NUP93: variants seen among roughly 807,000 people sequenced by gnomAD.
The protein encoded by NUP93 is nucleoporin 93, also known as nuclear pore complex protein Nup93.
Under a neutral mutation model 107.8 loss-of-function variants are expected in NUP93, and 55 were observed. That is an observed-to-expected ratio of 0.51 (90% confidence interval 0.41 to 0.64). The LOEUF is 0.64. Among genes scored for constraint, NUP93 ranks in the 30% least tolerant of loss-of-function variants. The pLI, the probability that NUP93 is intolerant of heterozygous loss-of-function variation, is 0.00. For missense variants in NUP93, 937 were observed against 1,044.7 expected, an observed-to-expected ratio of 0.90 and a Z score of 1.42; for synonymous variants, 390 against 397.5, an observed-to-expected ratio of 0.98 and a Z score of 0.22.
chr16:56,806,569 T>C (rs1445483571), intron 5 of NUP93, among the ~76,000 whole-genome samples: 1 of 152,174 alleles, frequency 6.6e-6, no homozygotes, highest in Admixed American at 6.5e-5. Context: ...GAGCATCTAC[T>C]CACAAGGTCA....
At chr16:56,783,650 A>G (rs184244814) in intron 3 of NUP93, 965 of 985,412 alleles carry the variant, frequency 9.8e-4, no homozygotes, top group Non-Finnish European at 1.1e-3. Flanking sequence ...AATTTAATGT[A>G]TGGAAAATGT....
At chr16:56,792,221 A>T (rs1181110762) in intron 3 of NUP93, among the ~76,000 whole-genome samples, 2 of 152,202 alleles carry the variant, frequency 1.3e-5, no homozygotes, top group Non-Finnish European at 2.9e-5. Flanking sequence ...AAACTGGTTG[A>T]TTTCATGACC....
intron 7 of NUP93, among the ~76,000 whole-genome samples, chr16:56,822,564 C>CCT (rs1963569190): frequency 7.9e-6 from 1 of 126,958 alleles, no homozygotes; most frequent in Non-Finnish European, 1.6e-5. Flanking sequence ...CTTTTCTTTT[C>CCT]TTTTTTTTTT....
intron 9 of NUP93, among the ~76,000 whole-genome samples, chr16:56,829,836 A>T (rs1055920275): frequency 1.3e-5 from 2 of 152,338 alleles, no homozygotes; most frequent in East Asian, 1.9e-4. Context: ...GCAAGTTCAG[A>T]TCTGGGTTTT....
At chr16:56,820,246 G>T (rs1963515840) in intron 6 of NUP93, among the ~76,000 whole-genome samples, 1 of 152,238 alleles carries the variant, frequency 6.6e-6, no homozygotes, top group South Asian at 2.1e-4. Flanking sequence ...TGCAAAGGAA[G>T]GCCTGTAAGA....
intron 1 of NUP93, chr16:56,741,003 T>C (rs1211758135): frequency 2.5e-5 from 3 of 117,832 alleles, no homozygotes; most frequent in Non-Finnish European, 5.2e-5. Context: ...AGGGAGACCG[T>C]GGGGAGAGGG....
intron 3 of NUP93, among the ~76,000 whole-genome samples, chr16:56,791,531 A>G (rs1481427177): frequency 6.6e-6 from 1 of 152,266 alleles, no homozygotes; most frequent in Non-Finnish European, 1.5e-5. Flanking sequence ...GGCGAAAACA[A>G]ACATCCTTTT....
intron 3 of NUP93, among the ~76,000 whole-genome samples, chr16:56,792,743 TTTA>T (rs1183944629): frequency 6.6e-6 from 1 of 152,226 alleles, no homozygotes; most frequent in Admixed American, 6.5e-5. Flanking sequence ...GAGCCTCAAC[TTTA>T]TTGTTTGTAA....
rs576769251 is a variant in NUP93 at position 56,804,861 on chromosome 16, G to A, written c.361-643G>A. ...GCGGAGGTTGCAGTGAGCCGAGATC[G>A]TGCCACTGCGCTCCAGCCTGGGCGA... On this transcript the variant is annotated intron_variant, in intron 4 of 21. Transcript: ENST00000308159. 2.1e-3 allele frequency among the ~76,000 whole-genome samples: 310 copies of A among 150,784 alleles called. 10 individuals are homozygous for A. The highest frequency in any genetic ancestry group is 0.019 in the Admixed American group (292 of 15,138).
chr16:56,748,287 G>A lies in NUP93; in HGVS notation c.40G>A (p.Glu14Lys), dbSNP rs528073782. Residue 14 changes from glutamate to lysine, a missense_variant, in exon 2 of 22, where the codon GAA (glutamate) becomes AAA (lysine). By Grantham distance (56) the Glu-to-Lys change is moderately conservative (BLOSUM62 1). Transcript: ENST00000308159. ...EGFGELLQQA[E>K]QLAAETEGIS... is the part of the protein sequence containing the mutation. ...GTTTGGTGAGCTCCTTCAGCAAGCTGAACAGCTTGCTGCTGAGACTGAGGG... is the reference window on the plus strand; with the variant it reads ...GTTTGGTGAGCTCCTTCAGCAAGCTAAACAGCTTGCTGCTGAGACTGAGGG... 1.2e-6 allele frequency: 2 copies of A among 1,613,834 alleles called. No individual in the cohort carries two copies. The highest frequency in any genetic ancestry group is 4.5e-5 in the East Asian group (2 of 44,880).
intron 2 of NUP93, among the ~76,000 whole-genome samples, chr16:56,757,035 G>A (rs1162952092): frequency 6.6e-6 from 1 of 152,106 alleles, no homozygotes; most frequent in Non-Finnish European, 1.5e-5. Context: ...GGAAAGTCCC[G>A]GGGATGGCAT....
chr16:56,769,382 C>T (rs1962278558), intron 3 of NUP93, among the ~76,000 whole-genome samples: 1 of 152,110 alleles, frequency 6.6e-6, no homozygotes, highest in African/African-American at 2.4e-5. Context: ...GAGGCTGGAG[C>T]GTACTTTCTC....
chr16:56,746,997 ATT>A (rs1261707762), intron 1 of NUP93, among the ~76,000 whole-genome samples: 5 of 143,582 alleles, frequency 3.5e-5, no homozygotes, highest in Admixed American at 7.0e-5. Context: ...TAGCAATGTA[ATT>A]TTTTTTTTTT....
chr16:56,755,372 G>T (rs1422005548), intron 2 of NUP93, among the ~76,000 whole-genome samples: 3 of 151,148 alleles, frequency 2.0e-5, no homozygotes, highest in African/African-American at 7.3e-5. Flanking sequence ...TAGAAAGACT[G>T]TATATTGTGT....
chr16:56,793,587 A>G (rs1440151986), intron 3 of NUP93, among the ~76,000 whole-genome samples: 4 of 152,114 alleles, frequency 2.6e-5, no homozygotes, highest in African/African-American at 7.2e-5. Flanking sequence ...TCACAGGAGA[A>G]GGAGTTTGGA....
rs1963113438 is a variant in NUP93 at position 56,805,373 on chromosome 16, A to G, written c.361-131A>G. On this transcript the variant is annotated intron_variant, in intron 4 of 21. Coordinates refer to ENST00000308159, the MANE Select transcript of NUP93 (RefSeq NM_014669.5). The stretch of plus-strand genomic sequence containing the variant: ...AGTAAATTCTTCAAAGATAATTTTT[A>G]AAGTAGATTGCTTTTTCTCTACCTA... 7.5e-6 allele frequency: 7 copies of G among 933,988 alleles called. No homozygotes were observed. In the East Asian group the frequency reaches 1.8e-4, roughly 24 times the overall value. 57.9% of individuals were successfully genotyped at this position (933,988 alleles called of 1,614,324 possible). A position where few individuals can be genotyped will look rare whatever the true frequency, so the allele number is the denominator to read the frequency against.
chr16:56,796,036 A>G (rs1438141000), intron 3 of NUP93, among the ~76,000 whole-genome samples: 2 of 152,198 alleles, frequency 1.3e-5, no homozygotes, highest in South Asian at 2.1e-4. Flanking sequence ...GGGGTGTGAC[A>G]GCACCTGTTG....
At chr16:56,803,397 G>A (rs886135968) in intron 4 of NUP93, among the ~76,000 whole-genome samples, 14 of 152,032 alleles carry the variant, frequency 9.2e-5, no homozygotes, top group African/African-American at 2.2e-4. Flanking sequence ...CTCAGGAGGC[G>A]GAGTTTGCAG....
chr16:56,825,392 A>T (rs898991847), intron 8 of NUP93, among the ~76,000 whole-genome samples: 2 of 151,882 alleles, frequency 1.3e-5, no homozygotes, highest in African/African-American at 4.8e-5. Flanking sequence ...TTTAGTAGAG[A>T]TGGAGTTTCA....
Sources: allele counts gnomAD v4.1 joint callset (sites outside exome capture counted in the v4.1 genomes callset), GRCh38; gene constraint gnomAD v4.1.1; transcripts MANE v1.5; gene names NCBI Gene and HGNC (gene_info 2026-07-23, HGNC 2026-07-21).